TSC1: variants seen among roughly 807,000 people sequenced by gnomAD.
The protein encoded by TSC1 is TSC complex subunit 1, also known as hamartin.
Under a neutral mutation model 124.3 loss-of-function variants are expected in TSC1, and 20 were observed. The ratio of observed to expected loss-of-function variants is 0.16; its 90% confidence interval spans 0.11 to 0.23. The LOEUF is 0.23. Ranked by LOEUF, TSC1 falls within the 10% of genes least tolerant of loss-of-function variation. TSC1 has a pLI of 1.00. For synonymous variants in TSC1, 493 were observed against 539.1 expected (o/e 0.91, Z 1.19); for missense variants, 1,124 against 1,448.5 (o/e 0.78, Z 3.64).
At chr9:132,941,665 ACTTATAGGGAATTACCTTTT>A (rs1350515632) in intron 1 of TSC1, 1 of 152,236 alleles carries the variant, frequency 6.6e-6, no homozygotes, top group East Asian at 1.9e-4. Flanking sequence ...AATATGGGAA[ACTTATAGGGAATTACCTTTT>A]CAAAGAGTAT....
rs1554816420 is a variant in TSC1 at position 132,907,351 on chromosome 9, G to A, written c.1283C>T (p.Ala428Val). The change falls in exon 13 of 23, where the codon GCA (alanine) becomes GTA (valine). Residue 428 changes from alanine to valine, a missense_variant. Around this residue, in one of 5 missense-constraint regions of TSC1, gnomAD observed 463 missense variants for 606.8 expected, o/e 0.76. Coordinates refer to ENST00000298552, the MANE Select transcript of TSC1 (RefSeq NM_000368.5). The stretch of plus-strand genomic sequence containing the variant: ...GTGTTGTCTGTGTAGACATGGTCTT[G>A]CAGAATCCATTCTCTCTTCCTGAAA... Reference protein sequence around the residue: ...PPRKEERMDSARPCLHRQHHL... With the variant: ...PPRKEERMDSVRPCLHRQHHL... The A allele has an allele frequency of 1.9e-6, 3 of 1,613,854 alleles. No individual in the cohort carries two copies. The highest frequency in any genetic ancestry group is 1.7e-5 in the Admixed American group (1 of 60,002).
Position 132,904,419 on chromosome 9 carries a change from T to A in TSC1, c.2033A>T (p.His678Leu), listed in dbSNP as rs745413532. The change falls in exon 16 of 23, where the codon CAC becomes CTC. Residue 678 changes from histidine to leucine, a missense_variant. Around this residue, in one of 5 missense-constraint regions of TSC1, gnomAD observed 321 missense variants for 397.4 expected, o/e 0.81. Coordinates refer to ENST00000298552, the MANE Select transcript of TSC1 (RefSeq NM_000368.5). ...PLPSKSVDWT[H>L]FGGSPPSDEI... ...TAAAGTAACAACTTTACCTCCAAAG[T>A]GGGTCCAGTCGACAGACTTGCTGGG... 1.9e-6 allele frequency: 3 copies of A among 1,613,938 alleles called. No individual in the cohort carries two copies. The highest frequency in any genetic ancestry group is 2.5e-6 in the Non-Finnish European group (3 of 1,179,996).
Position 132,895,667 on chromosome 9 carries a change from C to T in TSC1, c.*568G>A, listed in dbSNP as rs1044593784. On this transcript the variant is annotated 3_prime_UTR_variant, in exon 23 of 23. Transcript: ENST00000298552. Reference sequence around the variant, plus strand: ...ATGCAAGTATGAATAAACCGTTGTTCTTCTAGACCTGCTGCTTTAGATGCT... The same window carrying T: ...ATGCAAGTATGAATAAACCGTTGTTTTTCTAGACCTGCTGCTTTAGATGCT... The T allele has an allele frequency of 1.3e-5, 3 of 239,744 alleles. No individual in the cohort carries two copies. Among genetic ancestry groups the T allele is most frequent in the Non-Finnish European group, 2.5e-5 (3 of 121,958 alleles). The allele number at this position is 239,744 out of a possible 1,614,324, so 14.9% of individuals were successfully genotyped here.
At chr9:132,938,404 C>G (rs575101405) in intron 1 of TSC1, among the ~76,000 whole-genome samples, 9 of 152,282 alleles carry the variant, frequency 5.9e-5, no homozygotes, top group African/African-American at 2.2e-4. Context: ...TCATATTTGA[C>G]CCAAAAGTTG....
In TSC1 at chr9:132,910,683, T is replaced by C. The variant is rs1845907002; in HGVS notation, c.1151A>G (p.Lys384Arg). ...SKVFGTTAGGKGTPLGTPATS... is the reference protein window; with the variant it reads ...SKVFGTTAGGRGTPLGTPATS... ...TGCTGGGGTTCCCAGAGGAGTTCCT[T>C]TTCCACCTGCTTAGAGACAAGGGCA... Residue 384 changes from lysine to arginine, a missense_variant, in exon 12 of 23, where the codon AAA becomes AGA. Lys to Arg is a conservative substitution (Grantham distance 26). This residue lies in a region of TSC1 where 463 missense variants were observed against 606.8 expected (regional missense o/e 0.76). Coordinates refer to ENST00000298552, the MANE Select transcript of TSC1 (RefSeq NM_000368.5). The C allele has an allele frequency of 6.2e-7, 1 of 1,613,812 alleles. No individual in the cohort carries two copies. The highest frequency in any genetic ancestry group is 2.2e-5 in the East Asian group (1 of 44,888).
chr9:132,897,154 C>T (rs780282792), intron 22 of TSC1, 30 bp downstream of exon 22: 2 of 1,613,594 alleles, frequency 1.2e-6, no homozygotes, highest in African/African-American at 2.7e-5. Context: ...AGCTTAGTCC[C>T]AAGGTCATGA....
intron 8 of TSC1, among the ~76,000 whole-genome samples, chr9:132,917,445 C>T (rs1846321705): frequency 6.6e-6 from 1 of 152,174 alleles, no homozygotes; most frequent in Admixed American, 6.5e-5. Flanking sequence ...ATTCTCCTGC[C>T]TCAGCCTCCC....
At chr9:132,944,342 G>A (rs1158119354) in intron 1 of TSC1, among the ~76,000 whole-genome samples, 4 of 152,140 alleles carry the variant, frequency 2.6e-5, no homozygotes, top group African/African-American at 7.2e-5. Context: ...CCAGGGACCC[G>A]CCAGTCCCGG....
intron 2 of TSC1, among the ~76,000 whole-genome samples, chr9:132,932,322 C>T (rs912566960): frequency 6.6e-6 from 1 of 152,156 alleles, no homozygotes; most frequent in Non-Finnish European, 1.5e-5. Flanking sequence ...ACCCAGGTGA[C>T]TCCTTGACTC....
chr9:132,928,561 G>A (rs942208030), intron 3 of TSC1, among the ~76,000 whole-genome samples: 2 of 152,158 alleles, frequency 1.3e-5, no homozygotes, highest in Non-Finnish European at 2.9e-5. Context: ...GATTCATGGG[G>A]TTCACTGCAT....
In TSC1 at chr9:132,921,429, A is replaced by G. The variant is rs118203426; in HGVS notation, c.671T>C (p.Met224Thr). The G allele has an allele frequency of 6.2e-7, 1 of 1,614,168 alleles. No homozygotes were observed. Among genetic ancestry groups the G allele is most frequent in the Non-Finnish European group, 8.5e-7 (1 of 1,180,012 alleles). The change falls in exon 8 of 23, where the codon ATG becomes ACG. Residue 224 changes from methionine to threonine, a missense_variant. Physicochemically the swap from Met to Thr is moderately conservative, Grantham distance 81. Around this residue, in one of 5 missense-constraint regions of TSC1, gnomAD observed 463 missense variants for 606.8 expected, o/e 0.76. Transcript: ENST00000298552. The surrounding 1 kb of genome is among the most constrained non-coding windows in gnomAD (Gnocchi z 4.3). ...ETFEEVVKPM[M>T]EHVRIHPELV... is the part of the protein sequence containing the mutation. Reference sequence around the variant, plus strand: ...TTCCGGATGAATTCGCACATGCTCCATCATTGGCTAGAAGAGTTGGGTTGA... The same window carrying G: ...TTCCGGATGAATTCGCACATGCTCCGTCATTGGCTAGAAGAGTTGGGTTGA...
Position 132,905,644 on chromosome 9 carries a change from G to A in TSC1, c.1934C>T (p.Pro645Leu), listed in dbSNP as rs1269162063. Reference protein sequence around the residue: ...TEEDGVPSTSPMEVLDRLIQQ... With the variant: ...TEEDGVPSTSLMEVLDRLIQQ... ...TATCAGTCTGTCCAGCACTTCCATT[G>A]GGGAGGTAGAGGGCACACCATCTTC... is the stretch of plus-strand genomic sequence containing the variant. The change falls in exon 15 of 23, where the codon CCA (proline) becomes CTA (leucine). Residue 645 changes from proline (P) to leucine (L), a missense_variant. Physicochemically the swap from Pro to Leu is moderately conservative, Grantham distance 98 (BLOSUM62 -3). Around this residue, in one of 5 missense-constraint regions of TSC1, gnomAD observed 321 missense variants for 397.4 expected, o/e 0.81. Coordinates refer to ENST00000298552, the MANE Select transcript of TSC1 (RefSeq NM_000368.5). 24 of 1,614,154 alleles carry A rather than the reference G, an allele frequency of 1.5e-5. No individual in the cohort carries two copies. The highest frequency in any genetic ancestry group is 2.0e-5 in the Non-Finnish European group (24 of 1,180,024).
intron 8 of TSC1, among the ~76,000 whole-genome samples, chr9:132,919,326 A>G (rs73552859): frequency 6.0e-4 from 91 of 152,362 alleles, no homozygotes; most frequent in African/African-American, 1.9e-3. Context: ...ATCAAGCACA[A>G]AACAACTAAA....
rs754334835 is a variant in TSC1, at chr9:132,906,689, G to A, written c.1438+42C>T. On this transcript the variant is annotated intron_variant, in intron 14 of 22. Coordinates refer to ENST00000298552, the MANE Select transcript of TSC1 (RefSeq NM_000368.5). This position sits in a 1 kb window ranked among gnomAD's most constrained non-coding sequence, Gnocchi z 4.1. ...AAATCCCAGATTTATAGCAGAGCGA[G>A]GGTCAGGTTTTATCAACTCATAGCA... The A allele has an allele frequency of 6.6e-7, 1 of 1,525,698 alleles. No individual in the cohort carries two copies. Among genetic ancestry groups the A allele is most frequent in the South Asian group, 1.2e-5 (1 of 86,846 alleles). 94.5% of individuals were successfully genotyped at this position (1,525,698 alleles called of 1,614,324 possible).
At chr9:132,913,961 C>T (rs1846128724) in intron 8 of TSC1, among the ~76,000 whole-genome samples, 1 of 128,888 alleles carries the variant, frequency 7.8e-6, no homozygotes, top group Admixed American at 8.6e-5. Flanking sequence ...TTCAGTGGCG[C>T]AATCTCGACT....
At chr9:132,925,374 A>G (rs1213258580) in intron 5 of TSC1, among the ~76,000 whole-genome samples, 1 of 152,220 alleles carries the variant, frequency 6.6e-6, no homozygotes, top group Non-Finnish European at 1.5e-5. Context: ...ATTTTTCCAT[A>G]CTTGCATGGA....
chr9:132,903,563 C>T lies in TSC1; in HGVS notation c.2208+88G>A, dbSNP rs1232374870. 1.9e-6 allele frequency: 3 copies of T among 1,600,340 alleles called. No individual in the cohort carries two copies. ...AGTGGGAAGGACTGGGAACTCTGAC[C>T]TCCTCGGCTGCTGTGCTTTATAAGC... On this transcript the variant is annotated intron_variant, in intron 17 of 22. Coordinates refer to ENST00000298552, the MANE Select transcript of TSC1 (RefSeq NM_000368.5). This position sits in a 1 kb window ranked among gnomAD's most constrained non-coding sequence, Gnocchi z 5.9.
chr9:132,907,678 C>T (rs1442528838), intron 12 of TSC1, among the ~76,000 whole-genome samples: 1 of 152,126 alleles, frequency 6.6e-6, no homozygotes, highest in Non-Finnish European at 1.5e-5. Context: ...TTAGTACAGA[C>T]GGGGTTTCTC....
chr9:132,942,839 T>C (rs1847810462), intron 1 of TSC1, among the ~76,000 whole-genome samples: 1 of 152,198 alleles, frequency 6.6e-6, no homozygotes, highest in African/African-American at 2.4e-5. Context: ...CACCAGGTGG[T>C]TAGAGGAAGA....
Sources: allele counts gnomAD v4.1 joint callset (sites outside exome capture counted in the v4.1 genomes callset), GRCh38; gene constraint gnomAD v4.1.1; regional missense constraint gnomAD v4.1.1; non-coding constraint Gnocchi (gnomAD v3.1); transcripts MANE v1.5; gene names NCBI Gene and HGNC (gene_info 2026-07-23, HGNC 2026-07-21).